Variants in DCC observed in about 807,000 individuals in gnomAD.
DCC encodes DCC netrin 1 receptor, also known as netrin receptor DCC.
In DCC, 58 loss-of-function variants were observed where a neutral mutation model predicts 172.5. The observed-to-expected ratio is 0.34, with a 90% CI of 0.27 to 0.42. DCC has a LOEUF of 0.42. DCC is among the 10% of genes least tolerant of loss of function. The pLI, the probability that DCC is intolerant of heterozygous loss-of-function variation, is 1.00. For missense variants in DCC, 1,740 were observed against 1,791.0 expected (o/e 0.97, Z 0.51); for synonymous variants, 709 against 644.5 (o/e 1.10, Z -1.52).
chr18:53,424,644 G>GA (rs71940138), intron 21 of DCC, among the ~76,000 whole-genome samples: 65,704 of 151,994 alleles, frequency 0.43, 15,982 homozygotes, highest in Non-Finnish European at 0.56. Flanking sequence ...ATTACCGGGG[G>GA]AAGAGTAGCT....
At chr18:52,522,627 C>T (rs2031856495) in intron 1 of DCC, among the ~76,000 whole-genome samples, 1 of 152,102 alleles carries the variant, frequency 6.6e-6, no homozygotes, top group South Asian at 2.1e-4. Context: ...TCCCAAGTGC[C>T]ACTTTATCAT....
At chr18:52,602,166 A>G (rs918454795) in intron 1 of DCC, among the ~76,000 whole-genome samples, 1 of 152,120 alleles carries the variant, frequency 6.6e-6, no homozygotes, top group African/African-American at 2.4e-5. Flanking sequence ...TAATGAGCAC[A>G]AATGTGTTTA....
intron 28 of DCC, among the ~76,000 whole-genome samples, chr18:53,529,284 A>G (rs945399539): frequency 2.0e-5 from 3 of 152,028 alleles, no homozygotes; most frequent in Non-Finnish European, 4.4e-5. Flanking sequence ...CACCCATGCA[A>G]ATTCTATCAA....
At chr18:53,035,408 A>G (rs2042079919) in intron 5 of DCC, among the ~76,000 whole-genome samples, 1 of 152,092 alleles carries the variant, frequency 6.6e-6, no homozygotes, top group Non-Finnish European at 1.5e-5. Flanking sequence ...AAGATTTTAG[A>G]TATGGTCTAA....
At chr18:52,596,245 C>T (rs1461165024) in intron 1 of DCC, among the ~76,000 whole-genome samples, 1 of 152,190 alleles carries the variant, frequency 6.6e-6, no homozygotes, top group African/African-American at 2.4e-5. Flanking sequence ...CATTCTGCTA[C>T]TGGATTCCAG....
rs533122563 is a variant in DCC at position 52,985,438 on chromosome 18, G to A, written c.985+60068G>A. 1.6e-4 allele frequency among the ~76,000 whole-genome samples: 24 copies of A among 152,114 alleles called. 1 individual carries two copies. Among genetic ancestry groups the A allele is most frequent in the Non-Finnish European group, 2.1e-4 (14 of 67,996 alleles). ...AATACTGCTGATGAGAAAGATAGTG[G>A]CAATTTAATTCTCCTTCCTTTGTAG... On this transcript the variant is annotated intron_variant, in intron 5 of 28. Transcript: ENST00000442544.
At position 53,530,849 on chromosome 18, in the gene DCC, A is replaced by C; in HGVS notation, c.*196A>C. ...TTTCACAGGCATCAGGAATTGTCAA[A>C]TGATGATTATGAGTTCCCTAAACAA... On this transcript the variant is annotated 3_prime_UTR_variant, in exon 29 of 29. Coordinates refer to ENST00000442544, the MANE Select transcript of DCC (RefSeq NM_005215.4). 1 of 642,018 alleles carries C rather than the reference A, an allele frequency of 1.6e-6. No individual in the cohort carries two copies. The highest frequency in any genetic ancestry group is 2.8e-6 in the Non-Finnish European group (1 of 355,362). 39.8% of individuals were successfully genotyped at this position (642,018 alleles called of 1,614,324 possible).
intron 1 of DCC, among the ~76,000 whole-genome samples, chr18:52,394,944 G>T (rs1876575707): frequency 6.6e-6 from 1 of 152,050 alleles, no homozygotes; most frequent in African/African-American, 2.4e-5. Context: ...CTCACTTTGA[G>T]AAAGAGACTA....
chr18:52,351,022 G>C (rs1477433459), intron 1 of DCC, among the ~76,000 whole-genome samples: 1 of 152,168 alleles, frequency 6.6e-6, no homozygotes, highest in African/African-American at 2.4e-5. Context: ...ATGAGATAAG[G>C]CTTTAAAGAA....
intron 21 of DCC, among the ~76,000 whole-genome samples, chr18:53,417,037 A>G (rs1910352068): frequency 6.6e-6 from 1 of 152,198 alleles, no homozygotes; most frequent in African/African-American, 2.4e-5. Flanking sequence ...GAGAGTCTGC[A>G]GTTCATATAG....
intron 1 of DCC, among the ~76,000 whole-genome samples, chr18:52,404,054 T>C (rs930967042): frequency 6.6e-6 from 1 of 152,060 alleles, no homozygotes; most frequent in East Asian, 1.9e-4. Context: ...AGGGCATGTC[T>C]TTGGCTAGAC....
At chr18:52,520,562 T>C (rs2031781162) in intron 1 of DCC, among the ~76,000 whole-genome samples, 8 of 152,148 alleles carry the variant, frequency 5.3e-5, no homozygotes, top group Admixed American at 4.6e-4. Context: ...CGGGGAGGCC[T>C]TGCTTTATGA....
rs894994571 is a variant in DCC at position 52,671,756 on chromosome 18, G to A, written c.92-80298G>A. On this transcript the variant is annotated intron_variant, in intron 1 of 28. Coordinates refer to ENST00000442544, the MANE Select transcript of DCC (RefSeq NM_005215.4). ...GGTCTCTGTTGGCCAGGCTGGTCTC[G>A]AACTCCTGACCTCAAGTGATCTGCC... 4.6e-5 allele frequency among the ~76,000 whole-genome samples: 7 copies of A among 151,788 alleles called. No homozygotes were observed. The East Asian group carries it at 5.8e-4, about 13-fold the overall frequency.
chr18:53,520,954 G>A (rs947194314), intron 27 of DCC, among the ~76,000 whole-genome samples: 1 of 151,970 alleles, frequency 6.6e-6, no homozygotes, highest in Admixed American at 6.6e-5. Context: ...AACTCTGGGA[G>A]GCTGTTTAAA....
At chr18:52,402,290 T>G (rs186114758) in intron 1 of DCC, among the ~76,000 whole-genome samples, 1 of 152,130 alleles carries the variant, frequency 6.6e-6, no homozygotes, top group African/African-American at 2.4e-5. Context: ...GCATCTGGCC[T>G]GGTTCATTTT....
At chr18:53,341,206 C>T (rs1430090017) in intron 15 of DCC, among the ~76,000 whole-genome samples, 1 of 152,176 alleles carries the variant, frequency 6.6e-6, no homozygotes, top group African/African-American at 2.4e-5. Flanking sequence ...CTTGATGCCA[C>T]TCAACAGACA....
At chr18:53,515,407 C>G (rs2046321107) in intron 27 of DCC, among the ~76,000 whole-genome samples, 1 of 150,800 alleles carries the variant, frequency 6.6e-6, no homozygotes, top group Non-Finnish European at 1.5e-5. Context: ...GATGCCCTCT[C>G]TCACCACTCG....
chr18:52,971,994 A>G (rs933804825), intron 5 of DCC, among the ~76,000 whole-genome samples: 2 of 152,164 alleles, frequency 1.3e-5, no homozygotes, highest in Non-Finnish European at 2.9e-5. Flanking sequence ...CAGTGAGCTC[A>G]GAAATTAACT....
chr18:52,495,243 A>C (rs1270712363), intron 1 of DCC, among the ~76,000 whole-genome samples: 1 of 152,134 alleles, frequency 6.6e-6, no homozygotes, highest in Non-Finnish European at 1.5e-5. Flanking sequence ...TGTGTTGAGA[A>C]AACTGGCAGT....
Sources: gnomAD v4.1 joint callset for allele counts (sites outside exome capture counted in the v4.1 genomes callset) on GRCh38, gnomAD v4.1.1 for gene constraint, MANE v1.5 for transcripts, NCBI Gene and HGNC (gene_info 2026-07-23, HGNC 2026-07-21) for gene names.